The following BAG4 variants were observed in gnomAD, a reference collection of about 807,000 sequenced individuals.
The protein encoded by BAG4 is BAG cochaperone 4, also known as BAG family molecular chaperone regulator 4.
A neutral mutation model predicts 52.1 loss-of-function variants in BAG4; 28 were observed. The observed-to-expected ratio is 0.54, with a 90% confidence interval of 0.40 to 0.74. The LOEUF (loss-of-function observed/expected upper bound fraction) is 0.74. BAG4 is among the 30% of genes least tolerant of loss of function. The pLI, the probability that BAG4 is intolerant of heterozygous loss-of-function variation, is 0.00. For missense variants in BAG4, 525 were observed against 572.0 expected, an observed-to-expected ratio of 0.92 and a Z score of 0.84; for synonymous variants, 208 against 217.0, an observed-to-expected ratio of 0.96 and a Z score of 0.37.
At chr8:38,208,503 G>A (rs1329594458) in intron 3 of BAG4, among the ~76,000 whole-genome samples, 2 of 148,934 alleles carry the variant, frequency 1.3e-5, no homozygotes, top group African/African-American at 5.0e-5. Context: ...AGTAGAGATG[G>A]GGTTTCACCT....
At chr8:38,178,019 A>T (rs1174368661) in intron 1 of BAG4, among the ~76,000 whole-genome samples, 1 of 152,178 alleles carries the variant, frequency 6.6e-6, no homozygotes, top group Non-Finnish European at 1.5e-5. Flanking sequence ...TAAGCATTAG[A>T]ATTAGTCTAT....
At chr8:38,205,381 A>G (rs1803754157) in intron 2 of BAG4, among the ~76,000 whole-genome samples, 1 of 151,814 alleles carries the variant, frequency 6.6e-6, no homozygotes, top group Admixed American at 6.6e-5. Flanking sequence ...GACTGAATAC[A>G]ATTTTTTCAA....
At chr8:38,186,238 T>C (rs1477594295) in intron 1 of BAG4, among the ~76,000 whole-genome samples, 1 of 152,022 alleles carries the variant, frequency 6.6e-6, no homozygotes, top group Non-Finnish European at 1.5e-5. Flanking sequence ...GGGGCTCTGA[T>C]CTCCTTTACC....
rs369685431 is a variant in BAG4 at position 38,209,061 on chromosome 8, A to T, written c.682A>T (p.Ser228Cys). Residue 228 changes from serine (S) to cysteine (C), a missense_variant, in exon 4 of 5, where the codon AGT becomes TGT. Physicochemically the swap from Ser to Cys is moderately radical, Grantham distance 112. This residue lies in a region of BAG4 where 238 missense variants were observed against 305.8 expected (regional missense o/e 0.78). Coordinates refer to ENST00000287322, the MANE Select transcript of BAG4 (RefSeq NM_004874.4). ...TTATCCTTATGGAGATGGTAATCGT[A>T]GTGTTCCACAATCAGGACCGACTGT... ...PHYPYGDGNR[S>C]VPQSGPTVRP... is the part of the protein sequence containing the mutation. 3.7e-6 allele frequency: 6 copies of T among 1,614,064 alleles called. No homozygotes were observed. In the African/African-American group the frequency reaches 8.0e-5, roughly 22 times the overall value.
chr8:38,181,440 T>C (rs1803269842), intron 1 of BAG4, among the ~76,000 whole-genome samples: 1 of 151,900 alleles, frequency 6.6e-6, no homozygotes, highest in South Asian at 2.1e-4. Context: ...TATGTTTTTT[T>C]AGAGTAAAAC....
At chr8:38,178,149 CGTTTTTTTT>C (rs1307013621) in intron 1 of BAG4, among the ~76,000 whole-genome samples, 1 of 151,186 alleles carries the variant, frequency 6.6e-6, no homozygotes, top group Admixed American at 6.6e-5. Flanking sequence ...GTAGAAATGT[CGTTTTTTTT>C]GTTTTTTTTT....
intron 1 of BAG4, among the ~76,000 whole-genome samples, chr8:38,180,548 A>G (rs1003925640): frequency 6.6e-6 from 1 of 150,436 alleles, no homozygotes; most frequent in African/African-American, 2.4e-5. Flanking sequence ...AAAAAAAAAA[A>G]GATATGCATG....
rs1179887598 is a variant in BAG4, at chr8:38,207,547, A to G, written c.414A>G (p.Pro138=). 6.2e-7 allele frequency: 1 copy of G among 1,613,856 alleles called. No individual in the cohort carries two copies. The highest frequency in any genetic ancestry group is 1.7e-5 in the Admixed American group (1 of 60,014). ...LNSYTNGAYG[P]TYPPGPGANT... ...CTTATACAAATGGAGCGTATGGTCCAACATACCCCCCAGGCCCTGGGGCAA... is the reference window on the plus strand; with the variant it reads ...CTTATACAAATGGAGCGTATGGTCCGACATACCCCCCAGGCCCTGGGGCAA... Residue 138 remains proline (P), a synonymous_variant, in exon 3 of 5, where the codon CCA becomes CCG. Transcript: ENST00000287322.
chr8:38,201,489 G>A (rs1803661454), intron 2 of BAG4, among the ~76,000 whole-genome samples: 1 of 151,936 alleles, frequency 6.6e-6, no homozygotes. Flanking sequence ...ATTTTGCAGA[G>A]ATGGGGTCTC....
intron 2 of BAG4, among the ~76,000 whole-genome samples, chr8:38,196,677 T>C (rs1271440907): frequency 6.6e-6 from 1 of 151,876 alleles, no homozygotes; most frequent in Non-Finnish European, 1.5e-5. Context: ...GCCATCTTAG[T>C]GGGTGCAAAG....
rs750629838 is a variant in BAG4, at chr8:38,192,758, C to G, written c.341C>G (p.Pro114Arg). The G allele has an allele frequency of 1.2e-6, 2 of 1,613,238 alleles. No homozygotes were observed. The highest frequency in any genetic ancestry group is 1.1e-5 in the South Asian group (1 of 90,946). Residue 114 changes from proline (P) to arginine (R), a missense_variant, in exon 2 of 5, where the codon CCA becomes CGA. By Grantham distance (103) the Pro-to-Arg change is moderately radical. This residue lies in a region of BAG4 where 287 missense variants were observed against 266.1 expected (regional missense o/e 1.08). Coordinates refer to ENST00000287322, the MANE Select transcript of BAG4 (RefSeq NM_004874.4). ...NSTARSRAPY[P>R]STYPVRPELQ... The stretch of plus-strand genomic sequence containing the variant: ...ACTGCGAGATCTAGGGCTCCTTACC[C>G]AAGTACATATCCTGTAAGACCAGAA...
At chr8:38,190,721 G>T (rs993765599) in intron 1 of BAG4, among the ~76,000 whole-genome samples, 4 of 148,706 alleles carry the variant, frequency 2.7e-5, no homozygotes, top group African/African-American at 5.0e-5. Context: ...TGGGATTACA[G>T]ATTGAGCCAC....
chr8:38,196,018 C>T (rs1222449637), intron 2 of BAG4, among the ~76,000 whole-genome samples: 1 of 152,146 alleles, frequency 6.6e-6, no homozygotes, highest in East Asian at 1.9e-4. Flanking sequence ...CATTTTGTTT[C>T]TGGCTTCTGT....
intron 2 of BAG4, among the ~76,000 whole-genome samples, chr8:38,200,416 C>T (rs1208650943): frequency 6.6e-6 from 1 of 152,170 alleles, no homozygotes; most frequent in Non-Finnish European, 1.5e-5. Context: ...GTTTTGATTA[C>T]TGTGGCTCTG....
chr8:38,188,258 T>C (rs1803401684), intron 1 of BAG4, among the ~76,000 whole-genome samples: 1 of 151,492 alleles, frequency 6.6e-6, no homozygotes, highest in South Asian at 2.1e-4. Context: ...GCTATATCAA[T>C]AATATTAAAT....
intron 3 of BAG4, among the ~76,000 whole-genome samples, chr8:38,208,465 G>A (rs11777969): frequency 0.2 from 30,198 of 148,374 alleles, 3,418 homozygotes; most frequent in East Asian, 0.32. Context: ...GCCCGCCACC[G>A]CGCCCAGCTA....
intron 2 of BAG4, among the ~76,000 whole-genome samples, chr8:38,197,105 A>G (rs181177563): frequency 1.3e-5 from 2 of 152,250 alleles, no homozygotes; most frequent in African/African-American, 4.8e-5. Context: ...TTCCTTGACC[A>G]TTTTAAAATT....
chr8:38,205,588 A>G (rs568795192), intron 2 of BAG4, among the ~76,000 whole-genome samples: 82 of 152,146 alleles, frequency 5.4e-4, no homozygotes, highest in Non-Finnish European at 1.0e-3. Context: ...TAAGTCTCCA[A>G]TTGTGTGTGT....
At chr8:38,198,340 C>A (rs538180951) in intron 2 of BAG4, among the ~76,000 whole-genome samples, 3 of 144,640 alleles carry the variant, frequency 2.1e-5, no homozygotes, top group Non-Finnish European at 3.0e-5. Flanking sequence ...ACCGAGATCA[C>A]GCCACTGCAC....
Sources: gnomAD v4.1 joint callset for allele counts (sites outside exome capture counted in the v4.1 genomes callset) on GRCh38, gnomAD v4.1.1 for gene constraint, gnomAD v4.1.1 regional missense constraint, MANE v1.5 for transcripts, NCBI Gene and HGNC (gene_info 2026-07-23, HGNC 2026-07-21) for gene names.